DSCAM: variants seen among roughly 807,000 people sequenced by gnomAD.
The protein encoded by DSCAM is cell adhesion molecule DSCAM.
Under a neutral mutation model 217.7 loss-of-function variants are expected in DSCAM, and 47 were observed. The observed-to-expected ratio is 0.22, with a 90% CI of 0.17 to 0.28. DSCAM has a LOEUF of 0.28. Ranked by LOEUF, DSCAM falls within the 10% of genes least tolerant of loss-of-function variation. DSCAM has a pLI of 1.00. For synonymous variants in DSCAM, 1,056 were observed against 1,015.3 expected, an observed-to-expected ratio of 1.04 and a Z score of -0.76; for missense variants, 2,080 against 2,618.3, an observed-to-expected ratio of 0.79 and a Z score of 4.49.
At chr21:40,356,939 G>A (rs1239162734) in intron 4 of DSCAM, among the ~76,000 whole-genome samples, 1 of 152,132 alleles carries the variant, frequency 6.6e-6, no homozygotes, top group Non-Finnish European at 1.5e-5. Flanking sequence ...TATTTCTTTT[G>A]TGATCATCAG....
chr21:40,176,483 A>G (rs11908755), intron 15 of DSCAM, among the ~76,000 whole-genome samples: 61,779 of 151,896 alleles, frequency 0.41, 13,314 homozygotes, highest in African/African-American at 0.55. Flanking sequence ...CTTTGGGTTT[A>G]CCTGCTGGGA....
At chr21:40,765,539 T>G (rs965909091) in intron 1 of DSCAM, among the ~76,000 whole-genome samples, 8 of 152,132 alleles carry the variant, frequency 5.3e-5, no homozygotes, top group Admixed American at 4.6e-4. Context: ...TTTTTTAAAC[T>G]TTGTTTCCTG....
chr21:40,457,746 T>C (rs1007270439), intron 3 of DSCAM, among the ~76,000 whole-genome samples: 2 of 152,196 alleles, frequency 1.3e-5, no homozygotes, highest in Non-Finnish European at 1.5e-5. Context: ...ATGTGCTACA[T>C]ATGCCTCCCT....
intron 3 of DSCAM, among the ~76,000 whole-genome samples, chr21:40,511,258 T>C (rs942400394): frequency 3.9e-5 from 6 of 152,072 alleles, no homozygotes; most frequent in African/African-American, 1.4e-4. Context: ...GATAAAGAAA[T>C]AGGAATTTTG....
chr21:40,539,846 T>C (rs975634040), intron 3 of DSCAM, among the ~76,000 whole-genome samples: 1 of 152,244 alleles, frequency 6.6e-6, no homozygotes, highest in Non-Finnish European at 1.5e-5. Flanking sequence ...AGGGCATTCC[T>C]GGTGTGTCTC....
intron 27 of DSCAM, among the ~76,000 whole-genome samples, chr21:40,068,865 C>A (rs576681059): frequency 1.3e-5 from 2 of 152,222 alleles, no homozygotes; most frequent in African/African-American, 4.8e-5. Context: ...GCAGGCGGAT[C>A]ACCTGAGGTT....
chr21:40,357,861 T>TAAAA (rs71186927), intron 4 of DSCAM, among the ~76,000 whole-genome samples: 49 of 150,974 alleles, frequency 3.2e-4, no homozygotes, highest in African/African-American at 1.0e-3. Context: ...TAAAGTATAA[T>TAAAA]AAAAAAAAAC....
chr21:40,450,712 T>C (rs1384254537), intron 3 of DSCAM, among the ~76,000 whole-genome samples: 1 of 152,240 alleles, frequency 6.6e-6, no homozygotes, highest in Non-Finnish European at 1.5e-5. Flanking sequence ...CATATGATTG[T>C]TATTGAATAT....
intron 3 of DSCAM, among the ~76,000 whole-genome samples, chr21:40,686,540 A>G (rs568727598): frequency 6.6e-6 from 1 of 152,308 alleles, no homozygotes; most frequent in South Asian, 2.1e-4. Flanking sequence ...TCTTTTTTAA[A>G]GAAAAAATAT....
chr21:40,654,063 C>A (rs1258932264), intron 3 of DSCAM, among the ~76,000 whole-genome samples: 1 of 151,296 alleles, frequency 6.6e-6, no homozygotes, highest in East Asian at 1.9e-4. Context: ...CTATTGCACT[C>A]CAGCCTGGGT....
intron 6 of DSCAM, among the ~76,000 whole-genome samples, chr21:40,341,112 T>G (rs2074486473): frequency 6.6e-6 from 1 of 152,250 alleles, no homozygotes; most frequent in African/African-American, 2.4e-5. Flanking sequence ...GTCCTTGGGT[T>G]GTAAGCATTT....
chr21:40,671,360 T>TA (rs1488284304), intron 3 of DSCAM, among the ~76,000 whole-genome samples: 1 of 151,962 alleles, frequency 6.6e-6, no homozygotes, highest in African/African-American at 2.4e-5. Context: ...CCTGAACAAA[T>TA]AAAAAAGTCT....
chr21:40,451,665 C>T lies in DSCAM; in HGVS notation c.509-82420G>A, dbSNP rs41393350. On this transcript the variant is annotated intron_variant, in intron 3 of 32. Coordinates refer to ENST00000400454, the MANE Select transcript of DSCAM (RefSeq NM_001389.5). ...AATTTAGCCGCAACTGTTTCCAGAA[C>T]ACATGGTGGACTGCCTAGAAGTGTA... Among the ~76,000 whole-genome samples the T allele has an allele frequency of 7.6e-3, 1,162 of 152,282 alleles. 16 individuals carry two copies. Among genetic ancestry groups the T allele is most frequent in the African/African-American group, 0.025 (1,058 of 41,544 alleles).
At position 40,031,084 on chromosome 21, in the gene DSCAM, T is replaced by TTCTCTTGTCTGAAG. The variant is rs577258867; in HGVS notation, c.5686+11286_5686+11287insCTTCAGACAAGAGA. 2.0e-3 allele frequency among the ~76,000 whole-genome samples: 303 copies of TTCTCTTGTCTGAAG among 152,308 alleles called. 3 individuals carry two copies. The highest frequency in any genetic ancestry group is 6.9e-3 in the African/African-American group (285 of 41,572). The stretch of plus-strand genomic sequence containing the variant: ...AGAACATGTATTCCCTGTGTTCTGA[T>TTCTCTTGTCTGAAG]TCTCTTGTCTGACTTCTGAGCCCCT... On this transcript the variant is annotated intron_variant, in intron 32 of 32. Transcript: ENST00000400454.
chr21:40,052,204 A>T, intron 29 of DSCAM, 97 bp from the exon 30 acceptor site: 1 of 1,351,436 alleles, frequency 7.4e-7, no homozygotes, highest in Non-Finnish European at 1.0e-6. Flanking sequence ...GTTATTGTTA[A>T]TGACAACCAC....
intron 20 of DSCAM, among the ~76,000 whole-genome samples, chr21:40,117,001 CAAAAAAA>C (rs534100380): frequency 1.8e-4 from 6 of 33,182 alleles, no homozygotes; most frequent in African/African-American, 6.4e-4. Context: ...GACTCTGTCT[CAAAAAAA>C]AAAAAAAAAA....
chr21:40,698,706 C>T (rs1415604044), intron 2 of DSCAM, among the ~76,000 whole-genome samples: 3 of 151,922 alleles, frequency 2.0e-5, no homozygotes, highest in Admixed American at 6.6e-5. Flanking sequence ...CCCATTTTTA[C>T]TAAAAATACA....
chr21:40,075,944 G>A (rs2089359965), intron 26 of DSCAM, among the ~76,000 whole-genome samples: 1 of 152,042 alleles, frequency 6.6e-6, no homozygotes. Context: ...AGTACCGTGG[G>A]TGCAGAGATC....
At chr21:40,615,392 T>C (rs1020076228) in intron 3 of DSCAM, 8 of 151,920 alleles carry the variant, frequency 5.3e-5, no homozygotes, top group African/African-American at 1.7e-4. Context: ...TTTTATCAGC[T>C]TTATTTTTTT....
Sources: gnomAD v4.1 joint callset for allele counts (sites outside exome capture counted in the v4.1 genomes callset) on GRCh38, gnomAD v4.1.1 for gene constraint, MANE v1.5 for transcripts, NCBI Gene and HGNC (gene_info 2026-07-23, HGNC 2026-07-21) for gene names.